Variants in SHPRH observed in about 807,000 individuals in gnomAD.
The protein encoded by SHPRH is SNF2 histone linker PHD RING helicase.
SHPRH carries 106 observed loss-of-function variants against 202.5 expected under a neutral mutation model. The ratio of observed to expected loss-of-function variants is 0.52; its 90% confidence interval spans 0.45 to 0.62. The LOEUF (loss-of-function observed/expected upper bound fraction) is 0.62. Ranked by LOEUF, SHPRH falls within the 20% of genes least tolerant of loss-of-function variation. The pLI is 0.00. For synonymous variants in SHPRH, 729 were observed against 686.0 expected (o/e 1.06, Z -0.98); for missense variants, 1,710 against 2,020.0 (o/e 0.85, Z 2.94).
At position 145,933,068 on chromosome 6, in the gene SHPRH, T is replaced by C. The variant is rs1785645748; in HGVS notation, c.3101A>G (p.His1034Arg). The C allele has an allele frequency of 6.2e-7, 1 of 1,613,744 alleles. No individual in the cohort carries two copies. Among genetic ancestry groups the C allele is most frequent in the Admixed American group, 1.7e-5 (1 of 60,012 alleles). Residue 1034 changes from histidine to arginine, a missense_variant, in exon 14 of 30, where the codon CAT becomes CGT. Around this residue, in one of 8 missense-constraint regions of SHPRH, gnomAD observed 288 missense variants for 317.8 expected, o/e 0.91. Coordinates refer to ENST00000275233, the MANE Select transcript of SHPRH (RefSeq NM_001042683.3). The stretch of plus-strand genomic sequence containing the variant: ...CAATCACCTTCTACCTTTAATAATA[T>C]GAATGCCTGCTAAGCCATTGAGAGC... ...VCALNGLAGIHIIKGEYALAA... is the reference protein window; with the variant it reads ...VCALNGLAGIRIIKGEYALAA...
At chr6:145,940,047 T>G (rs1786576025) in intron 11 of SHPRH, among the ~76,000 whole-genome samples, 1 of 152,182 alleles carries the variant, frequency 6.6e-6, no homozygotes, top group African/African-American at 2.4e-5. Context: ...TTTTAGATAT[T>G]CACAACTTGA....
chr6:145,953,668 G>T (rs1277974070), intron 2 of SHPRH, among the ~76,000 whole-genome samples: 2 of 152,022 alleles, frequency 1.3e-5, no homozygotes, highest in African/African-American at 4.8e-5. Flanking sequence ...AAATTTTCAG[G>T]TTTAGCATAA....
intron 25 of SHPRH, among the ~76,000 whole-genome samples, chr6:145,902,385 G>T (rs540760583): frequency 6.6e-6 from 1 of 152,096 alleles, no homozygotes; most frequent in Non-Finnish European, 1.5e-5. Context: ...TTCTATAGTT[G>T]CAGCCTCCTG....
Position 145,946,213 on chromosome 6 carries a change from T to C in SHPRH, c.1321+20A>G, listed in dbSNP as rs1417366876. 1.3e-6 allele frequency: 2 copies of C among 1,574,144 alleles called. No homozygotes were observed. The highest frequency in any genetic ancestry group is 1.4e-5 in the African/African-American group (1 of 73,734). ...AGATCACTATAAGAAGGTATTTCCT[T>C]TAAGAGATGTCTTACTTACGAGGGC... is the stretch of plus-strand genomic sequence containing the variant. On this transcript the variant is annotated intron_variant, in intron 7 of 29. Coordinates refer to ENST00000275233, the MANE Select transcript of SHPRH (RefSeq NM_001042683.3).
chr6:145,890,258 A>G (rs1248913108), intron 28 of SHPRH, among the ~76,000 whole-genome samples: 4 of 152,178 alleles, frequency 2.6e-5, no homozygotes, highest in Non-Finnish European at 4.4e-5. Context: ...CTGCCTGACT[A>G]TGGGCAAGTT....
chr6:145,888,150 AG>A, intron 28 of SHPRH, 50 bp from the exon 29 acceptor site: 1 of 1,365,120 alleles, frequency 7.3e-7, no homozygotes, highest in Non-Finnish European at 1.0e-6. Context: ...AAAACAAATC[AG>A]TACAAACCGA....
rs768528293 is a variant in SHPRH at position 145,955,110 on chromosome 6, C to A, written c.213G>T (p.Lys71Asn). The A allele has an allele frequency of 6.2e-6, 10 of 1,613,460 alleles. No homozygotes were observed. The South Asian group carries it at 1.1e-4, about 18-fold the overall frequency. Residue 71 changes from lysine (K) to asparagine (N), a missense_variant, in exon 2 of 30, where the codon AAG (lysine) becomes AAT (asparagine). Physicochemically the swap from Lys to Asn is moderately conservative, Grantham distance 94 (BLOSUM62 0). Around this residue, in one of 8 missense-constraint regions of SHPRH, gnomAD observed 459 missense variants for 426.5 expected, o/e 1.08. Coordinates refer to ENST00000275233, the MANE Select transcript of SHPRH (RefSeq NM_001042683.3). ...LKEEVAHRDK[K>N]RCSKVVSFSK... ...AGAAGCTCACCACTTTTGAACACCT[C>A]TTCTTATCTCTGTGAGCCACTTCTT...
intron 5 of SHPRH, 60 bp from the exon 6 acceptor site, chr6:145,947,703 C>G (rs1787546165): frequency 6.4e-7 from 1 of 1,574,018 alleles, no homozygotes; most frequent in African/African-American, 1.4e-5. Flanking sequence ...TACAATGTTC[C>G]TAATTACTTT....
chr6:145,867,197 A>G (rs1403045159), intron 2 of SHPRH, among the ~76,000 whole-genome samples: 1 of 152,052 alleles, frequency 6.6e-6, no homozygotes, highest in Non-Finnish European at 1.5e-5. Context: ...TCTCAGAAAG[A>G]ACAGGTGCAC....
At chr6:145,954,351 T>C (rs1788277018) in intron 2 of SHPRH, among the ~76,000 whole-genome samples, 1 of 152,070 alleles carries the variant, frequency 6.6e-6, no homozygotes, top group Non-Finnish European at 1.5e-5. Context: ...TAGAATTTCA[T>C]TTGCATTCAA....
In SHPRH at chr6:145,954,830, T is replaced by C; in HGVS notation, c.493A>G (p.Lys165Glu). 1 of 1,613,878 alleles carries C rather than the reference T, an allele frequency of 6.2e-7. No homozygotes were observed. The highest frequency in any genetic ancestry group is 8.5e-7 in the Non-Finnish European group (1 of 1,179,868). ...SKGEDVEKQK[K>E]EPMSICDKGI... ...TTGTCACAAATACTCATCGGTTCTT[T>C]TTTTTGTTTCTCTACATCTTCACCT... Residue 165 changes from lysine (K) to glutamate (E), a missense_variant, in exon 2 of 30, where the codon AAA becomes GAA. Physicochemically the swap from Lys to Glu is moderately conservative, Grantham distance 56 (BLOSUM62 1). Transcript: ENST00000275233.
intron 2 of SHPRH, chr6:145,877,588 C>T (rs1478008300): frequency 6.6e-6 from 1 of 152,184 alleles, no homozygotes; most frequent in Non-Finnish European, 1.5e-5. Context: ...GGGAAAAATC[C>T]ACATTCCATA....
In SHPRH at chr6:145,954,957, C is replaced by T. The variant is rs1788350441; in HGVS notation, c.366G>A (p.Gln122=). 1.2e-6 allele frequency: 2 copies of T among 1,613,770 alleles called. No individual in the cohort carries two copies. The highest frequency in any genetic ancestry group is 1.7e-6 in the Non-Finnish European group (2 of 1,179,914). The stretch of plus-strand genomic sequence containing the variant: ...CAATTAAACTCTGTGCAGGAAGAAG[C>T]TGAAGAGTTAATTCTCCTAGAAATG... ...WKAFLGELTL[Q]LLPAQSLIEN... is the part of the protein sequence containing the mutation. The change falls in exon 2 of 30, where the codon CAG becomes CAA. Residue 122 remains glutamine, a synonymous_variant. Transcript: ENST00000275233.
chr6:145,935,269 T>C lies in SHPRH; in HGVS notation c.2733+9A>G, dbSNP rs1401086989. The C allele has an allele frequency of 6.2e-7, 1 of 1,613,244 alleles. No homozygotes were observed. The highest frequency in any genetic ancestry group is 8.5e-7 in the Non-Finnish European group (1 of 1,179,822). ...AGTACCTTTATCAATAAAAACTTAT[T>C]GTACTGACTTGGTCAATCACATCTT... On this transcript the variant is annotated intron_variant, in intron 12 of 29. Transcript: ENST00000275233.
intron 4 of SHPRH, 64 bp downstream of exon 4, chr6:145,950,200 C>T (rs1787831963): frequency 1.5e-5 from 20 of 1,363,800 alleles, no homozygotes; most frequent in Non-Finnish European, 2.1e-5. Context: ...TTTCACCCTG[C>T]CCTAATTGTC....
chr6:145,957,298 A>G (rs1297809916), intron 1 of SHPRH, among the ~76,000 whole-genome samples: 1 of 152,276 alleles, frequency 6.6e-6, no homozygotes, highest in East Asian at 1.9e-4. Flanking sequence ...GCCCAAAAAA[A>G]AGGCACAAAA....
intron 11 of SHPRH, among the ~76,000 whole-genome samples, chr6:145,939,904 T>G: frequency 6.6e-6 from 1 of 152,226 alleles, no homozygotes; most frequent in Non-Finnish European, 1.5e-5. Flanking sequence ...TACGAAAACT[T>G]GGATTTTCAG....
rs1786784706 is a variant in SHPRH at position 145,941,610 on chromosome 6, C to T, written c.2490+13G>A. ...CTTCCCCAGCCCTCAAAAGATTTTGCAGAAACTCTCACTTTTACTGTGGGA... is the reference window on the plus strand; with the variant it reads ...CTTCCCCAGCCCTCAAAAGATTTTGTAGAAACTCTCACTTTTACTGTGGGA... On this transcript the variant is annotated intron_variant, in intron 10 of 29. Coordinates refer to ENST00000275233, the MANE Select transcript of SHPRH (RefSeq NM_001042683.3). 1 of 1,611,638 alleles carries T rather than the reference C, an allele frequency of 6.2e-7. No individual in the cohort carries two copies.
At chr6:145,920,179 A>C (rs1784314961) in intron 21 of SHPRH, among the ~76,000 whole-genome samples, 1 of 152,100 alleles carries the variant, frequency 6.6e-6, no homozygotes. Context: ...GTACAGCAGG[A>C]GCTCATTCAA....
Sources: allele counts gnomAD v4.1 joint callset (sites outside exome capture counted in the v4.1 genomes callset), GRCh38; gene constraint gnomAD v4.1.1; regional missense constraint gnomAD v4.1.1; transcripts MANE v1.5; gene names NCBI Gene and HGNC (gene_info 2026-07-23, HGNC 2026-07-21).